The following MTIF2 variants were observed in gnomAD, a reference collection of about 807,000 sequenced individuals.
MTIF2 encodes translation initiation factor IF-2, mitochondrial.
MTIF2 carries 71 observed loss-of-function variants against 83.5 expected under a neutral mutation model. That is an observed-to-expected ratio of 0.85 (90% CI 0.70 to 1.04). MTIF2 has a LOEUF of 1.04. Among genes scored for constraint, MTIF2 ranks in the 50% least tolerant of loss-of-function variants. The pLI, the probability that MTIF2 is intolerant of heterozygous loss-of-function variation, is 0.00. For synonymous variants in MTIF2, 319 were observed against 287.1 expected, an observed-to-expected ratio of 1.11 and a Z score of -1.12; for missense variants, 957 against 846.5, an observed-to-expected ratio of 1.13 and a Z score of -1.62.
chr2:55,243,063 C>A lies in MTIF2; in HGVS notation c.1582G>T (p.Val528Phe). ...VIIKGDVDGS[V>F]EAILNIIDTY... ...TCTATAATGTTCAAAATGGCCTCAA[C>A]AGAACCATCAACATCACCTAAATAC... The change falls in exon 13 of 16, where the codon GTT becomes TTT. Residue 528 changes from valine (V) to phenylalanine (F), a missense_variant. Val to Phe is a conservative substitution (Grantham distance 50). Coordinates refer to ENST00000263629, the MANE Select transcript of MTIF2 (RefSeq NM_002453.3). 2 of 1,605,372 alleles carry A rather than the reference C, an allele frequency of 1.2e-6. No homozygotes were observed. Among genetic ancestry groups the A allele is most frequent in the Non-Finnish European group, 1.7e-6 (2 of 1,177,562 alleles).
At chr2:55,252,166 C>A (rs1211217638) in intron 8 of MTIF2, among the ~76,000 whole-genome samples, 1 of 151,810 alleles carries the variant, frequency 6.6e-6, no homozygotes, top group South Asian at 2.1e-4. Context: ...ATGGATAGAT[C>A]GAATTTCATT....
chr2:55,255,841 T>C (rs1358980673), intron 5 of MTIF2, among the ~76,000 whole-genome samples: 1 of 151,790 alleles, frequency 6.6e-6, no homozygotes, highest in Non-Finnish European at 1.5e-5. Flanking sequence ...TCTGCACATG[T>C]CCAATAATAA....
At chr2:55,251,060 A>G (rs1283607508) in intron 8 of MTIF2, among the ~76,000 whole-genome samples, 1 of 150,848 alleles carries the variant, frequency 6.6e-6, no homozygotes, top group Non-Finnish European at 1.5e-5. Context: ...AAGTGAGCCA[A>G]GATTGCACCA....
At chr2:55,238,295 G>C (rs1479926687) in intron 14 of MTIF2, among the ~76,000 whole-genome samples, 1 of 151,568 alleles carries the variant, frequency 6.6e-6, no homozygotes, top group South Asian at 2.1e-4. Context: ...CGGATGACAC[G>C]CTTGAGCCAC....
Position 55,263,788 on chromosome 2 carries a change from A to C in MTIF2, c.71T>G (p.Leu24Arg). 1 of 1,614,154 alleles carries C rather than the reference A, an allele frequency of 6.2e-7. No individual in the cohort carries two copies. The highest frequency in any genetic ancestry group is 8.5e-7 in the Non-Finnish European group (1 of 1,180,046). The change falls in exon 4 of 16, where the codon CTG becomes CGG. Residue 24 changes from leucine to arginine, a missense_variant. Physicochemically the swap from Leu to Arg is moderately radical, Grantham distance 102 (BLOSUM62 -2). Around this residue, in one of 3 missense-constraint regions of MTIF2, gnomAD observed 733 missense variants for 648.7 expected, o/e 1.13. Transcript: ENST00000263629. ...CTGTCTTAATGCTCTTCTTTGACAC[A>C]GACTGTGCAGTTGCCTATAAATAGT... ...FHTIYRQLHS[L>R]CQRRALRQWR... is the part of the protein sequence containing the mutation.
rs985417680 is a variant in MTIF2, at chr2:55,254,748, A to C, written c.409T>G (p.Trp137Gly). 3 of 1,611,084 alleles carry C rather than the reference A, an allele frequency of 1.9e-6. No individual in the cohort carries two copies. Among genetic ancestry groups the C allele is most frequent in the African/African-American group, 2.7e-5 (2 of 74,806 alleles). The change falls in exon 6 of 16, where the codon TGG becomes GGG. Residue 137 changes from tryptophan (W) to glycine (G), a missense_variant. Physicochemically the swap from Trp to Gly is radical, Grantham distance 184 (BLOSUM62 -2). Coordinates refer to ENST00000263629, the MANE Select transcript of MTIF2 (RefSeq NM_002453.3). Reference protein sequence around the residue: ...LEADSHLDEVWIKEVITKAGM... With the variant: ...LEADSHLDEVGIKEVITKAGM... ...GCCTTCGTTATCACTTCTTTGATCCAGACTTCATCTAAATGTGAGTCTGCT... is the reference window on the plus strand; with the variant it reads ...GCCTTCGTTATCACTTCTTTGATCCCGACTTCATCTAAATGTGAGTCTGCT...
intron 5 of MTIF2, among the ~76,000 whole-genome samples, chr2:55,255,330 G>C (rs1677425419): frequency 6.7e-6 from 1 of 148,602 alleles, no homozygotes; most frequent in Non-Finnish European, 1.5e-5. Flanking sequence ...TTCATCAACT[G>C]ATCAACACAT....
intron 10 of MTIF2, among the ~76,000 whole-genome samples, chr2:55,245,424 G>A (rs1257190056): frequency 2.6e-5 from 4 of 152,186 alleles, no homozygotes; most frequent in African/African-American, 7.2e-5. Context: ...TTGGGAGACT[G>A]AGGCGGAAGA....
At chr2:55,257,290 G>C (rs1384308484) in intron 5 of MTIF2, among the ~76,000 whole-genome samples, 2 of 152,210 alleles carry the variant, frequency 1.3e-5, no homozygotes, top group East Asian at 3.9e-4. Context: ...GACGAGCCTG[G>C]CCAACATGGT....
At position 55,249,551 on chromosome 2, in the gene MTIF2, TAA is replaced by T; in HGVS notation, c.842-19_842-18del. 2 of 1,610,596 alleles carry T rather than the reference TAA, an allele frequency of 1.2e-6. No individual in the cohort carries two copies. The highest frequency in any genetic ancestry group is 1.7e-6 in the Non-Finnish European group (2 of 1,178,754). ...TAATAGGAACTGAAAGAAATGGAGTTAAAAAGAGTGAAAATGATGACACCTTC... is the reference window on the plus strand; with the variant it reads ...TAATAGGAACTGAAAGAAATGGAGTTAAAGAGTGAAAATGATGACACCTTC... On this transcript the variant is annotated intron_variant, in intron 8 of 15. Coordinates refer to ENST00000263629, the MANE Select transcript of MTIF2 (RefSeq NM_002453.3).
At chr2:55,268,980 C>T (rs74555073) in intron 1 of MTIF2, 189 bp downstream of exon 1, 10,377 of 152,354 alleles carry the variant, frequency 0.068, 959 homozygotes, top group African/African-American at 0.2. Context: ...TCCGAGAGAA[C>T]AGTGCACATG....
chr2:55,246,890 A>G (rs17432234), intron 9 of MTIF2, among the ~76,000 whole-genome samples: 8,827 of 152,210 alleles, frequency 0.058, 336 homozygotes, highest in Middle Eastern at 0.11. Flanking sequence ...GAGATTTCAC[A>G]TCTATTATTT....
chr2:55,237,942 C>T (rs1676010554), intron 14 of MTIF2, among the ~76,000 whole-genome samples: 1 of 152,154 alleles, frequency 6.6e-6, no homozygotes, highest in African/African-American at 2.4e-5. Flanking sequence ...TGAGCCACTG[C>T]ACCCAGCCAT....
intron 13 of MTIF2, among the ~76,000 whole-genome samples, 186 bp from the exon 14 acceptor site, chr2:55,240,361 G>A (rs1359825112): frequency 1.3e-5 from 2 of 152,086 alleles, no homozygotes; most frequent in Non-Finnish European, 1.5e-5. Flanking sequence ...CAGGTGGATC[G>A]CCTGAGGTCA....
At chr2:55,246,911 A>G (rs1391658250) in intron 9 of MTIF2, among the ~76,000 whole-genome samples, 2 of 152,178 alleles carry the variant, frequency 1.3e-5, no homozygotes, top group African/African-American at 4.8e-5. Flanking sequence ...CATTTGATCA[A>G]CTCAAGAATC....
chr2:55,259,821 G>C (rs991825577), intron 5 of MTIF2, among the ~76,000 whole-genome samples: 7 of 152,126 alleles, frequency 4.6e-5, no homozygotes, highest in African/African-American at 7.2e-5. Flanking sequence ...GCATATGCCT[G>C]TAATCCTAGC....
At chr2:55,261,857 T>G (rs1181172579) in intron 5 of MTIF2, among the ~76,000 whole-genome samples, 3 of 147,830 alleles carry the variant, frequency 2.0e-5, no homozygotes, top group African/African-American at 7.5e-5. Context: ...ACGATTGTTT[T>G]GAGTCTAGGA....
intron 9 of MTIF2, among the ~76,000 whole-genome samples, chr2:55,248,495 G>A (rs1053097196): frequency 6.6e-6 from 1 of 151,922 alleles, no homozygotes; most frequent in Non-Finnish European, 1.5e-5. Context: ...TAATAAGGAC[G>A]GACAAAAAAG....
At chr2:55,242,816 G>T in intron 13 of MTIF2, 124 bp downstream of exon 13, 2 of 950,726 alleles carry the variant, frequency 2.1e-6, no homozygotes, top group Non-Finnish European at 3.2e-6. Context: ...CTGGACTATA[G>T]CAGGAAGGGT....
Sources: allele counts gnomAD v4.1 joint callset (sites outside exome capture counted in the v4.1 genomes callset), GRCh38; gene constraint gnomAD v4.1.1; regional missense constraint gnomAD v4.1.1; transcripts MANE v1.5; gene names NCBI Gene and HGNC (gene_info 2026-07-23, HGNC 2026-07-21).